The following SLC7A14 variants were observed in gnomAD, a reference collection of about 807,000 sequenced individuals.
SLC7A14 encodes the protein solute carrier family 7 member 14, also known as gamma-aminobutyric acid transporter SLC7A14.
In SLC7A14, 37 loss-of-function variants were observed where a neutral mutation model predicts 60.2. The ratio of observed to expected loss-of-function variants is 0.61; its 90% confidence interval spans 0.47 to 0.81. The LOEUF (loss-of-function observed/expected upper bound fraction) is 0.81. SLC7A14 is among the 30% of genes least tolerant of loss of function. SLC7A14 has a pLI of 0.00. For missense variants in SLC7A14, 886 were observed against 982.7 expected, an observed-to-expected ratio of 0.90 and a Z score of 1.32; for synonymous variants, 399 against 395.8, an observed-to-expected ratio of 1.01 and a Z score of -0.10.
intron 3 of SLC7A14, among the ~76,000 whole-genome samples, chr3:170,500,759 C>T (rs1315672276): frequency 6.6e-6 from 1 of 152,132 alleles, no homozygotes; most frequent in East Asian, 1.9e-4. Flanking sequence ...AAAACATAAT[C>T]CATGTTATTA....
chr3:170,489,957 G>C (rs1712161917), intron 4 of SLC7A14, among the ~76,000 whole-genome samples: 1 of 151,918 alleles, frequency 6.6e-6, no homozygotes, highest in Non-Finnish European at 1.5e-5. Flanking sequence ...GATAGTTGGG[G>C]GCTGGACGGG....
chr3:170,475,060 A>T (rs866631198), intron 7 of SLC7A14, among the ~76,000 whole-genome samples: 10 of 152,222 alleles, frequency 6.6e-5, no homozygotes, highest in African/African-American at 1.9e-4. Flanking sequence ...AACTGCATCA[A>T]CTAAAAGGAA....
At position 170,461,714 on chromosome 3, in the gene SLC7A14, C is replaced by G. The variant is rs960891844; in HGVS notation, c.*5341G>C. 1.3e-5 allele frequency: 2 copies of G among 152,292 alleles called. No individual in the cohort carries two copies. The highest frequency in any genetic ancestry group is 4.8e-5 in the African/African-American group (2 of 41,456). 9.4% of individuals were successfully genotyped at this position (152,292 alleles called of 1,614,324 possible). ...TTTCAAATACTCTTTCGTGGCCAGG[C>G]CACCACTGGTTACCTGCTGGTGCCT... On this transcript the variant is annotated 3_prime_UTR_variant, in exon 8 of 8. Coordinates refer to ENST00000231706, the MANE Select transcript of SLC7A14 (RefSeq NM_020949.3).
intron 2 of SLC7A14, among the ~76,000 whole-genome samples, chr3:170,506,195 A>C (rs1430610079): frequency 6.6e-6 from 1 of 152,240 alleles, no homozygotes; most frequent in East Asian, 1.9e-4. Context: ...GTCAGAGATG[A>C]GAATTCTAAG....
At chr3:170,518,607 T>C (rs1028813388) in intron 2 of SLC7A14, among the ~76,000 whole-genome samples, 1 of 152,244 alleles carries the variant, frequency 6.6e-6, no homozygotes, top group African/African-American at 2.4e-5. Flanking sequence ...TAGAGAATGA[T>C]ACCTAACCTT....
At chr3:170,483,885 C>T (rs1026098814) in intron 5 of SLC7A14, among the ~76,000 whole-genome samples, 1 of 152,182 alleles carries the variant, frequency 6.6e-6, no homozygotes, top group African/African-American at 2.4e-5. Flanking sequence ...GCCCTGCAAC[C>T]AGGGCCTGGC....
intron 4 of SLC7A14, chr3:170,495,883 T>C (rs975745146): frequency 1.5e-5 from 20 of 1,348,348 alleles, no homozygotes; most frequent in Middle Eastern, 2.3e-4. Flanking sequence ...AGGCGGCAGC[T>C]GGAGGCTCTG....
intron 7 of SLC7A14, among the ~76,000 whole-genome samples, chr3:170,468,030 T>C (rs1241727608): frequency 1.3e-5 from 2 of 152,226 alleles, no homozygotes; most frequent in African/African-American, 4.8e-5. Flanking sequence ...CATGCTACTA[T>C]TATGTCCCTT....
At chr3:170,563,390 A>G (rs1714705924) in intron 1 of SLC7A14, among the ~76,000 whole-genome samples, 1 of 149,634 alleles carries the variant, frequency 6.7e-6, no homozygotes, top group African/African-American at 2.5e-5. Context: ...CACTCACATC[A>G]GTTCAACAAA....
intron 3 of SLC7A14, among the ~76,000 whole-genome samples, chr3:170,500,594 A>T (rs141431964): frequency 6.6e-6 from 1 of 152,006 alleles, no homozygotes; most frequent in Non-Finnish European, 1.5e-5. Context: ...CATTTTATTC[A>T]TTAAATTTTT....
At chr3:170,479,063 A>G (rs974284908) in intron 7 of SLC7A14, among the ~76,000 whole-genome samples, 8 of 152,168 alleles carry the variant, frequency 5.3e-5, no homozygotes, top group African/African-American at 1.7e-4. Context: ...CGGAGGTTGC[A>G]GTGGGCCATG....
chr3:170,551,168 T>G (rs1238903596), intron 1 of SLC7A14, among the ~76,000 whole-genome samples: 1 of 152,232 alleles, frequency 6.6e-6, no homozygotes, highest in East Asian at 1.9e-4. Flanking sequence ...TGTATCTGGC[T>G]TCTTTCACTT....
chr3:170,560,873 G>A (rs1321358270), intron 1 of SLC7A14, among the ~76,000 whole-genome samples: 1 of 152,154 alleles, frequency 6.6e-6, no homozygotes, highest in Non-Finnish European at 1.5e-5. Context: ...TTAACCACGT[G>A]TCTTATAGTA....
chr3:170,510,075 CA>C (rs34579714), intron 2 of SLC7A14, among the ~76,000 whole-genome samples: 20,978 of 78,556 alleles, frequency 0.27, 1,481 homozygotes, highest in East Asian at 0.3. Flanking sequence ...AACTCTGTCT[CA>C]AAAAAAAAAA....
At chr3:170,495,445 C>G (rs1050526990) in intron 4 of SLC7A14, among the ~76,000 whole-genome samples, 2 of 152,350 alleles carry the variant, frequency 1.3e-5, no homozygotes, top group Middle Eastern at 3.4e-3. Context: ...TCCACCATGT[C>G]CATCAGGGTG....
intron 1 of SLC7A14, among the ~76,000 whole-genome samples, chr3:170,540,876 T>C (rs903951788): frequency 6.6e-6 from 1 of 152,262 alleles, no homozygotes; most frequent in Non-Finnish European, 1.5e-5. Context: ...AGTTTGAATG[T>C]ATTCCTCATA....
chr3:170,499,963 T>G (rs1712550571), intron 3 of SLC7A14, among the ~76,000 whole-genome samples: 1 of 152,226 alleles, frequency 6.6e-6, no homozygotes, highest in Admixed American at 6.5e-5. Flanking sequence ...AGGTTTGTTC[T>G]TTATATTTTT....
chr3:170,568,978 G>A (rs146981617), intron 1 of SLC7A14, among the ~76,000 whole-genome samples: 28,104 of 151,896 alleles, frequency 0.19, 2,844 homozygotes, highest in South Asian at 0.27. Context: ...TGACTTCCTC[G>A]TTTCCTAATT....
At chr3:170,485,837 A>G (rs1316191005) in intron 5 of SLC7A14, among the ~76,000 whole-genome samples, 3 of 152,230 alleles carry the variant, frequency 2.0e-5, no homozygotes, top group Admixed American at 2.0e-4. Context: ...CTCCCAGAAG[A>G]CAGAAGAGCA....
Sources: gnomAD v4.1 joint callset for allele counts (sites outside exome capture counted in the v4.1 genomes callset) on GRCh38, gnomAD v4.1.1 for gene constraint, MANE v1.5 for transcripts, NCBI Gene and HGNC (gene_info 2026-07-23, HGNC 2026-07-21) for gene names.